ZNF513: variants seen among roughly 807,000 people sequenced by gnomAD.
ZNF513 encodes the protein zinc finger protein 513.
In ZNF513, 16 loss-of-function variants were observed where a neutral mutation model predicts 39.7. The ratio of observed to expected loss-of-function variants is 0.40; its 90% CI spans 0.27 to 0.61. The LOEUF (loss-of-function observed/expected upper bound fraction) is 0.61, where lower values mean the gene tolerates loss of function less well. ZNF513 is among the 20% of genes least tolerant of loss of function. The pLI is 0.39. For missense variants in ZNF513, 699 were observed against 743.6 expected (o/e 0.94, Z 0.70); for synonymous variants, 348 against 296.5 (o/e 1.17, Z -1.79).
Position 27,378,764 on chromosome 2 carries a change from G to A in ZNF513, c.502C>T (p.His168Tyr). ...VSHYSSHLKR[H>Y]MQTHSGEKPF... ...TTCTCTCCGCTGTGTGTCTGCATGT[G>A]CCGCTTCAGGTGGCTCGAGTAGTGG... is the stretch of plus-strand genomic sequence containing the variant. The change falls in exon 3 of 4, where the codon CAC becomes TAC. Residue 168 changes from histidine (H) to tyrosine (Y), a missense_variant. By Grantham distance (83) the His-to-Tyr change is moderately conservative (BLOSUM62 2). Transcript: ENST00000323703. The surrounding 1 kb of genome is among the most constrained non-coding windows in gnomAD (Gnocchi z 8.0). 1 of 1,614,054 alleles carries A rather than the reference G, an allele frequency of 6.2e-7. No homozygotes were observed. The highest frequency in any genetic ancestry group is 8.5e-7 in the Non-Finnish European group (1 of 1,179,948).
At position 27,378,433 on chromosome 2, in the gene ZNF513, T is replaced by G; in HGVS notation, c.799+34A>C. The G allele has an allele frequency of 6.2e-7, 1 of 1,613,600 alleles. No individual in the cohort carries two copies. The highest frequency in any genetic ancestry group is 1.6e-4 in the Middle Eastern group (1 of 6,062). The stretch of plus-strand genomic sequence containing the variant: ...AAGCATTCCTAGGGTCAGCCACCCA[T>G]GTCCCAAGATCTTTGGTCCCTGGTG... On this transcript the variant is annotated intron_variant, in intron 3 of 3. Transcript: ENST00000323703. The surrounding 1 kb of genome is among the most constrained non-coding windows in gnomAD (Gnocchi z 8.0).
In ZNF513 at chr2:27,377,856, A is replaced by T; in HGVS notation, c.1315T>A (p.Ser439Thr). 1 of 1,614,084 alleles carries T rather than the reference A, an allele frequency of 6.2e-7. No individual in the cohort carries two copies. The highest frequency in any genetic ancestry group is 8.5e-7 in the Non-Finnish European group (1 of 1,180,016). Residue 439 changes from serine to threonine, a missense_variant, in exon 4 of 4, where the codon TCT becomes ACT. By Grantham distance (58) the Ser-to-Thr change is moderately conservative. Coordinates refer to ENST00000323703, the MANE Select transcript of ZNF513 (RefSeq NM_144631.6). The surrounding 1 kb of genome is among the most constrained non-coding windows in gnomAD (Gnocchi z 4.4). ...ANLKRHGRIH[S>T]GDKPFRCSLC... The stretch of plus-strand genomic sequence containing the variant: ...CTACACCGAAAAGGTTTGTCACCAG[A>T]GTGGATGCGACCATGACGCTTGAGG...
chr2:27,379,986 CA>C (rs2148414930), intron 2 of ZNF513, 106 bp downstream of exon 2: 2 of 1,455,586 alleles, frequency 1.4e-6, no homozygotes, highest in Admixed American at 3.3e-5. Context: ...TAAACTAAAC[CA>C]GCCCTCGGTT....
rs371030335 is a variant in ZNF513, at chr2:27,377,603, C to T, written c.1568G>A (p.Arg523Gln). 5.3e-5 allele frequency: 85 copies of T among 1,613,934 alleles called. No homozygotes were observed. In the African/African-American group the frequency reaches 6.3e-4, roughly 12 times the overall value. ...AGCAGTCCCCAGGGCTGGTGGGCCC[C>T]GAGAGCTCAAAACAGAGGGTGGGCT... ...PHSPPSVLSSRGPPALGTAGS... is the reference protein window; with the variant it reads ...PHSPPSVLSSQGPPALGTAGS... Residue 523 changes from arginine to glutamine, a missense_variant, in exon 4 of 4, where the codon CGG becomes CAG. Transcript: ENST00000323703. This position sits in a 1 kb window ranked among gnomAD's most constrained non-coding sequence, Gnocchi z 4.4.
In ZNF513 at chr2:27,378,395, A is replaced by T. The variant is rs1463524052; in HGVS notation, c.800-24T>A. 6.2e-7 allele frequency: 1 copy of T among 1,609,328 alleles called. No homozygotes were observed. The stretch of plus-strand genomic sequence containing the variant: ...ATCTGTGGGGACAAAGACCTGGGCT[A>T]TGAATCCAATCCAAGCATTCCTAGG... On this transcript the variant is annotated intron_variant, in intron 3 of 3. Transcript: ENST00000323703. This position sits in a 1 kb window ranked among gnomAD's most constrained non-coding sequence, Gnocchi z 8.0.
Position 27,378,491 on chromosome 2 carries a change from C to A in ZNF513, c.775G>T (p.Gly259Trp). ...ARPPSPTEQE[G>W]AVPRRPEDAL... ...CCTTCAGGTCGCCGGGGCACCGCCC[C>A]CTCCTGCTCTGTGGGACTGGGAGGC... Residue 259 changes from glycine to tryptophan, a missense_variant, in exon 3 of 4, where the codon GGG (glycine) becomes TGG (tryptophan). Transcript: ENST00000323703. The surrounding 1 kb of genome is among the most constrained non-coding windows in gnomAD (Gnocchi z 8.0). 2 of 1,614,162 alleles carry A rather than the reference C, an allele frequency of 1.2e-6. No individual in the cohort carries two copies. The highest frequency in any genetic ancestry group is 1.7e-6 in the Non-Finnish European group (2 of 1,180,044).
Position 27,378,341 on chromosome 2 carries a change from TGGA to T in ZNF513, c.827_829del (p.Leu276del). 6.2e-7 allele frequency: 1 copy of T among 1,602,100 alleles called. No homozygotes were observed. The highest frequency in any genetic ancestry group is 1.1e-5 in the South Asian group (1 of 91,090). On this transcript the variant is annotated inframe_deletion, in exon 4 of 4. Transcript: ENST00000323703. This position sits in a 1 kb window ranked among gnomAD's most constrained non-coding sequence, Gnocchi z 8.0. Reference sequence around the variant, plus strand: ...GAAACTGGCACCACCTGGTGGCACATGGAGGCTCAAATCTGGAAGGAGCAGAGC... The same window carrying T: ...GAAACTGGCACCACCTGGTGGCACATGGCTCAAATCTGGAAGGAGCAGAGC...
In ZNF513 at chr2:27,377,999, G is replaced by A. The variant is rs1195471077; in HGVS notation, c.1172C>T (p.Ala391Val). 1.9e-6 allele frequency: 3 copies of A among 1,612,814 alleles called. No homozygotes were observed. The highest frequency in any genetic ancestry group is 1.3e-5 in the African/African-American group (1 of 74,884). ...THSGEKPFRC[A>V]RCPYASAHLD... ...ATGAGCAGAGGCATAAGGACAGCGGGCGCAGCGGAAGGGCTTCTCACCACT... is the reference window on the plus strand; with the variant it reads ...ATGAGCAGAGGCATAAGGACAGCGGACGCAGCGGAAGGGCTTCTCACCACT... Residue 391 changes from alanine (A) to valine (V), a missense_variant, in exon 4 of 4, where the codon GCC becomes GTC. Transcript: ENST00000323703. The surrounding 1 kb of genome is among the most constrained non-coding windows in gnomAD (Gnocchi z 4.4).
chr2:27,378,796 A>G lies in ZNF513; in HGVS notation c.470T>C (p.Phe157Ser). The stretch of plus-strand genomic sequence containing the variant: ...CAGGTGGCTCGAGTAGTGGGACACG[A>G]AGGTGCAGAGGCGGCATGAGTACAG... Reference protein sequence around the residue: ...RLLYSCRLCTFVSHYSSHLKR... With the variant: ...RLLYSCRLCTSVSHYSSHLKR... The change falls in exon 3 of 4, where the codon TTC (phenylalanine) becomes TCC (serine). Residue 157 changes from phenylalanine (F) to serine (S), a missense_variant. Phe to Ser is a radical substitution (Grantham distance 155). Around this residue, in one of 3 missense-constraint regions of ZNF513, gnomAD observed 530 missense variants for 499.3 expected, o/e 1.06. Transcript: ENST00000323703. This position sits in a 1 kb window ranked among gnomAD's most constrained non-coding sequence, Gnocchi z 8.0. 1 of 1,613,848 alleles carries G rather than the reference A, an allele frequency of 6.2e-7. No individual in the cohort carries two copies. Among genetic ancestry groups the G allele is most frequent in the Non-Finnish European group, 8.5e-7 (1 of 1,179,878 alleles).
Position 27,378,007 on chromosome 2 carries a change from G to A in ZNF513, c.1164C>T (p.Phe388=), listed in dbSNP as rs61735110. The A allele has an allele frequency of 4.0e-3, 6,440 of 1,612,754 alleles. 240 individuals carry two copies. In the African/African-American group the frequency reaches 0.078, roughly 20 times the overall value. The change falls in exon 4 of 4, where the codon TTC becomes TTT. Residue 388 remains phenylalanine (F), a synonymous_variant. Coordinates refer to ENST00000323703, the MANE Select transcript of ZNF513 (RefSeq NM_144631.6). The surrounding 1 kb of genome is among the most constrained non-coding windows in gnomAD (Gnocchi z 8.0). ...AGGCATAAGGACAGCGGGCGCAGCG[G>A]AAGGGCTTCTCACCACTGTGTGTCT... is the stretch of plus-strand genomic sequence containing the variant. ...HMKTHSGEKP[F]RCARCPYASA... is the part of the protein sequence containing the mutation.
In ZNF513 at chr2:27,377,767, G is replaced by T. The variant is rs184119144; in HGVS notation, c.1404C>A (p.Gly468=). ...AGGTGGCACAGCGGAAGGGCTTCTC[G>T]CCTGTGTGCCGCAGCATGTGACGTT... ...NLKRHMLRHT[G]EKPFRCATCA... The change falls in exon 4 of 4, where the codon GGC becomes GGA. Residue 468 remains glycine, a synonymous_variant. Transcript: ENST00000323703. The surrounding 1 kb of genome is among the most constrained non-coding windows in gnomAD (Gnocchi z 4.4). The T allele has an allele frequency of 1.2e-6, 2 of 1,612,426 alleles. No homozygotes were observed. Among genetic ancestry groups the T allele is most frequent in the Non-Finnish European group, 1.7e-6 (2 of 1,179,528 alleles).
intron 2 of ZNF513, among the ~76,000 whole-genome samples, chr2:27,379,336 T>C (rs1336264085): frequency 6.6e-6 from 1 of 152,196 alleles, no homozygotes; most frequent in Non-Finnish European, 1.5e-5. Context: ...GATCACAGAC[T>C]GAAATGAATC....
chr2:27,380,400 T>C, intron 1 of ZNF513, 72 bp downstream of exon 1: 1 of 1,574,212 alleles, frequency 6.4e-7, no homozygotes, highest in Admixed American at 1.9e-5. Context: ...GGAGTCCCCC[T>C]CCACCCTGAC....
rs1287453343 is a variant in ZNF513 at position 27,379,003 on chromosome 2, T to A, written c.263A>T (p.Glu88Val). 6 of 1,613,114 alleles carry A rather than the reference T, an allele frequency of 3.7e-6. No individual in the cohort carries two copies. ...ACTTAGTGCCCGGCCGCCCCCAGAC[T>A]CATCGTCGCTCAGCCCATAGGGAAG... ...PGLPYGLSDDESGGGRALSAE... is the reference protein window; with the variant it reads ...PGLPYGLSDDVSGGGRALSAE... Residue 88 changes from glutamate to valine, a missense_variant, in exon 3 of 4, where the codon GAG becomes GTG. Physicochemically the swap from Glu to Val is moderately radical, Grantham distance 121. Coordinates refer to ENST00000323703, the MANE Select transcript of ZNF513 (RefSeq NM_144631.6).
chr2:27,377,427 T>G lies in ZNF513; in HGVS notation c.*118A>C. On this transcript the variant is annotated 3_prime_UTR_variant, in exon 4 of 4. Transcript: ENST00000323703. This position sits in a 1 kb window ranked among gnomAD's most constrained non-coding sequence, Gnocchi z 4.4. ...TGGTCCATATGGGCCCCCCCGCCCA[T>G]GGGGTTGGGCTGGTCCTTATAGTGC... is the stretch of plus-strand genomic sequence containing the variant. 6 of 1,128,736 alleles carry G rather than the reference T, an allele frequency of 5.3e-6. No homozygotes were observed. Among genetic ancestry groups the G allele is most frequent in the Non-Finnish European group, 7.8e-6 (6 of 766,776 alleles). The allele number at this position is 1,128,736 out of a possible 1,614,324, so 69.9% of individuals were successfully genotyped here.
At position 27,380,481 on chromosome 2, in the gene ZNF513, C is replaced by T. The variant is rs1683572114; in HGVS notation, c.46G>A (p.Gly16Arg). Reference sequence around the variant, plus strand: ...GCCCCTGACCCCTGACCTTTGACCCCCTCGCATTTCACGGGCTGCGGGTGG... The same window carrying T: ...GCCCCTGACCCCTGACCTTTGACCCTCTCGCATTTCACGGGCTGCGGGTGG... ...QSHPQPVKCE[G>R]VKVDTEDSLD... Residue 16 changes from glycine (G) to arginine (R), a missense_variant, in exon 1 of 4, where the codon GGG (glycine) becomes AGG (arginine). Gly to Arg is a moderately radical substitution (Grantham distance 125, BLOSUM62 -2). Around this residue, in one of 3 missense-constraint regions of ZNF513, gnomAD observed 530 missense variants for 499.3 expected, o/e 1.06. Transcript: ENST00000323703. 4 of 1,590,114 alleles carry T rather than the reference C, an allele frequency of 2.5e-6. No individual in the cohort carries two copies. Among genetic ancestry groups the T allele is most frequent in the South Asian group, 1.1e-5 (1 of 89,462 alleles).
At chr2:27,379,989 C>T in intron 2 of ZNF513, 104 bp downstream of exon 2, 1 of 1,468,988 alleles carries the variant, frequency 6.8e-7, no homozygotes, top group Non-Finnish European at 9.5e-7. Context: ...ACTAAACCAG[C>T]CCTCGGTTGT....
At position 27,380,552 on chromosome 2, in the gene ZNF513, C is replaced by A; in HGVS notation, c.-26G>T. ...CGTGACCGGCTCCAGCCCGACGCGCCTCCGGCCTGCGGCCGCCCGACCCCG... is the reference window on the plus strand; with the variant it reads ...CGTGACCGGCTCCAGCCCGACGCGCATCCGGCCTGCGGCCGCCCGACCCCG... On this transcript the variant is annotated 5_prime_UTR_variant, in exon 1 of 4. The change creates a new upstream start codon in the 5' untranslated region. Transcript: ENST00000323703. 2 of 1,553,116 alleles carry A rather than the reference C, an allele frequency of 1.3e-6. No homozygotes were observed. Among genetic ancestry groups the A allele is most frequent in the South Asian group, 1.2e-5 (1 of 85,554 alleles).
At position 27,379,071 on chromosome 2, in the gene ZNF513, A is replaced by C; in HGVS notation, c.212-17T>G. On this transcript the variant is annotated splice_polypyrimidine_tract_variant and intron_variant, in intron 2 of 3. Transcript: ENST00000323703. Reference sequence around the variant, plus strand: ...GAGAGTCTCCTGGTGAAATAGACATAAGAAGAGACATCAGCATAGGGTAGG... The same window carrying C: ...GAGAGTCTCCTGGTGAAATAGACATCAGAAGAGACATCAGCATAGGGTAGG... The C allele has an allele frequency of 6.2e-7, 1 of 1,609,864 alleles. No homozygotes were observed. The highest frequency in any genetic ancestry group is 8.5e-7 in the Non-Finnish European group (1 of 1,177,886).
Sources: allele counts gnomAD v4.1 joint callset (sites outside exome capture counted in the v4.1 genomes callset), GRCh38; gene constraint gnomAD v4.1.1; regional missense constraint gnomAD v4.1.1; non-coding constraint Gnocchi (gnomAD v3.1); transcripts MANE v1.5; gene names NCBI Gene and HGNC (gene_info 2026-07-23, HGNC 2026-07-21).